YAF2: variants seen among roughly 807,000 people sequenced by gnomAD.
YAF2 encodes the protein YY1-associated factor 2.
YAF2 carries 7 observed loss-of-function variants against 20.1 expected under a neutral mutation model. That is an observed-to-expected ratio of 0.35 (90% CI 0.20 to 0.65). YAF2 has a LOEUF of 0.65. Ranked by LOEUF, YAF2 falls within the 30% of genes least tolerant of loss-of-function variation. The pLI is 0.69. For missense variants in YAF2, 151 were observed against 219.2 expected (o/e 0.69, Z 1.96); for synonymous variants, 74 against 76.0 (o/e 0.97, Z 0.14).
At chr12:42,237,945 C>T (rs2068234792) in intron 1 of YAF2, 4 of 438,740 alleles carry the variant, frequency 9.1e-6, no homozygotes, top group South Asian at 2.0e-4. Context: ...CGCTCTGACA[C>T]CCGGGCGGCC....
chr12:42,210,107 T>C (rs1284739936), intron 2 of YAF2, among the ~76,000 whole-genome samples: 2 of 152,304 alleles, frequency 1.3e-5, no homozygotes, highest in East Asian at 1.9e-4. Flanking sequence ...CAACTAAATG[T>C]ATAATTTTTT....
intron 2 of YAF2, among the ~76,000 whole-genome samples, chr12:42,167,764 G>T (rs542171397): frequency 4.3e-4 from 66 of 152,258 alleles, no homozygotes; most frequent in Non-Finnish European, 7.5e-4. Flanking sequence ...CCAGCACTTT[G>T]GGAGGCCAAC....
At chr12:42,199,995 C>A (rs1215011322) in intron 2 of YAF2, among the ~76,000 whole-genome samples, 1 of 152,126 alleles carries the variant, frequency 6.6e-6, no homozygotes, top group Admixed American at 6.5e-5. Context: ...TTAAGGAGAA[C>A]TTTTGGGTTA....
At chr12:42,228,169 G>C (rs1164852880) in intron 2 of YAF2, among the ~76,000 whole-genome samples, 1 of 79,008 alleles carries the variant, frequency 1.3e-5, no homozygotes. Context: ...CCCCCCGCCC[G>C]GCCAGCCGCC....
At chr12:42,175,511 T>C (rs534603424) in intron 2 of YAF2, among the ~76,000 whole-genome samples, 1 of 139,982 alleles carries the variant, frequency 7.1e-6, no homozygotes, top group African/African-American at 2.7e-5. Context: ...TTATGTGTGG[T>C]TTATTGTATG....
chr12:42,172,737 CA>C (rs2066081072), intron 2 of YAF2, among the ~76,000 whole-genome samples: 1 of 152,092 alleles, frequency 6.6e-6, no homozygotes, highest in Admixed American at 6.5e-5. Flanking sequence ...GGAAGCAACC[CA>C]AATGCTTACT....
intron 2 of YAF2, chr12:42,212,507 T>G (rs750327898): frequency 2.3e-6 from 1 of 431,566 alleles, no homozygotes; most frequent in South Asian, 1.7e-5. Context: ...AGAAAGTGTA[T>G]AGTTTTTCCT....
chr12:42,223,355 C>T (rs113211489), intron 2 of YAF2, among the ~76,000 whole-genome samples: 13 of 149,942 alleles, frequency 8.7e-5, no homozygotes, highest in African/African-American at 1.7e-4. Flanking sequence ...CACACACACA[C>T]ATATATATAC....
chr12:42,223,373 CAAAAA>C (rs1215083655), intron 2 of YAF2, among the ~76,000 whole-genome samples: 1 of 150,780 alleles, frequency 6.6e-6, no homozygotes, highest in Non-Finnish European at 1.5e-5. Context: ...TACACACAAA[CAAAAA>C]GATAAAGAAA....
chr12:42,235,918 C>G, intron 2 of YAF2: 3 of 1,536,122 alleles, frequency 2.0e-6, no homozygotes, highest in Non-Finnish European at 2.6e-6. Flanking sequence ...CTGCCACCAC[C>G]TACTCTATTT....
intron 2 of YAF2, among the ~76,000 whole-genome samples, chr12:42,186,690 A>G (rs983090180): frequency 6.6e-6 from 1 of 152,176 alleles, no homozygotes; most frequent in African/African-American, 2.4e-5. Flanking sequence ...AAAGGAAAAA[A>G]AGAAAGAAAA....
At chr12:42,163,495 T>C (rs895366044) in intron 2 of YAF2, among the ~76,000 whole-genome samples, 1 of 152,242 alleles carries the variant, frequency 6.6e-6, no homozygotes, top group Non-Finnish European at 1.5e-5. Flanking sequence ...TGTTATTTTC[T>C]AACCATCAAC....
chr12:42,206,469 C>T (rs1429403494), intron 2 of YAF2, among the ~76,000 whole-genome samples: 1 of 151,830 alleles, frequency 6.6e-6, no homozygotes, highest in Non-Finnish European at 1.5e-5. Flanking sequence ...ATTAAGTGGA[C>T]GCGGTGGTGC....
intron 1 of YAF2, 38 bp from the exon 2 acceptor site, chr12:42,237,762 C>T (rs746294402): frequency 7.1e-7 from 1 of 1,415,146 alleles, no homozygotes; most frequent in Non-Finnish European, 9.3e-7. Context: ...GGCGCGGGGT[C>T]ACCAGCAGGC....
At chr12:42,211,752 A>G (rs974885308) in intron 2 of YAF2, among the ~76,000 whole-genome samples, 36 of 151,542 alleles carry the variant, frequency 2.4e-4, no homozygotes, top group Non-Finnish European at 4.6e-4. Context: ...CAAAAAAAAA[A>G]AAAAAAAAAA....
intron 2 of YAF2, among the ~76,000 whole-genome samples, chr12:42,178,629 A>AT (rs2066259860): frequency 6.6e-6 from 1 of 152,142 alleles, no homozygotes; most frequent in Non-Finnish European, 1.5e-5. Flanking sequence ...ATTTTTTAAA[A>AT]TAAAAAAAAA....
intron 2 of YAF2, among the ~76,000 whole-genome samples, chr12:42,190,032 T>C (rs143923103): frequency 6.6e-6 from 1 of 152,348 alleles, no homozygotes; most frequent in East Asian, 1.9e-4. Flanking sequence ...CATAACAATT[T>C]ACTTTTGTCG....
At chr12:42,197,528 G>C (rs1176000658) in intron 2 of YAF2, among the ~76,000 whole-genome samples, 1 of 152,170 alleles carries the variant, frequency 6.6e-6, no homozygotes, top group Non-Finnish European at 1.5e-5. Flanking sequence ...TAACTACGTA[G>C]GGAAATGCCC....
At chr12:42,161,538 A>G in intron 3 of YAF2, 75 bp downstream of exon 3, 1 of 1,448,026 alleles carries the variant, frequency 6.9e-7, no homozygotes, top group Non-Finnish European at 9.2e-7. Flanking sequence ...CTTTGTGTAT[A>G]TTAGTATGTC....
Sources: gnomAD v4.1 joint callset for allele counts (sites outside exome capture counted in the v4.1 genomes callset) on GRCh38, gnomAD v4.1.1 for gene constraint, MANE v1.5 for transcripts, NCBI Gene and HGNC (gene_info 2026-07-23, HGNC 2026-07-21) for gene names.